TAFA1: variants seen among roughly 807,000 people sequenced by gnomAD.
The protein encoded by TAFA1 is TAFA chemokine like family member 1.
Under a neutral mutation model 18.5 loss-of-function variants are expected in TAFA1, and 4 were observed. The ratio of observed to expected loss-of-function variants is 0.22; its 90% CI spans 0.11 to 0.49. TAFA1 has a LOEUF of 0.49. TAFA1 is among the 20% of genes least tolerant of loss of function. TAFA1 has a pLI of 0.98. For missense variants in TAFA1, 147 were observed against 169.0 expected (o/e 0.87, Z 0.72); for synonymous variants, 56 against 55.2 (o/e 1.01, Z -0.06).
chr3:68,331,060 G>A lies in TAFA1; in HGVS notation c.119-86220G>A, dbSNP rs202142345. On this transcript the variant is annotated intron_variant, in intron 2 of 4. Coordinates refer to ENST00000478136, the MANE Select transcript of TAFA1 (RefSeq NM_213609.4). ...CAACAAATGTCCATCAGCTGATGAA[G>A]TATAACCAAAATGTGGTATATCCAT... Among the ~76,000 whole-genome samples the A allele has an allele frequency of 2.8e-3, 431 of 151,368 alleles. 7 individuals carry two copies. The East Asian group carries it at 0.036, about 12-fold the overall frequency.
chr3:68,176,482 G>A (rs1487734223), intron 2 of TAFA1, among the ~76,000 whole-genome samples: 1 of 152,116 alleles, frequency 6.6e-6, no homozygotes, highest in Non-Finnish European at 1.5e-5. Context: ...ACTCCACCAA[G>A]TAAATAATAA....
At chr3:68,095,370 T>C (rs1046946065) in intron 2 of TAFA1, among the ~76,000 whole-genome samples, 1 of 152,206 alleles carries the variant, frequency 6.6e-6, no homozygotes, top group Non-Finnish European at 1.5e-5. Flanking sequence ...TGCAAAGAGA[T>C]ACCCTTGCTT....
chr3:68,167,316 G>A (rs888001202), intron 2 of TAFA1, among the ~76,000 whole-genome samples: 1 of 152,176 alleles, frequency 6.6e-6, no homozygotes, highest in Non-Finnish European at 1.5e-5. Flanking sequence ...CGTGGCTCAC[G>A]CCTGTAATCC....
At chr3:68,154,567 G>A (rs1180068514) in intron 2 of TAFA1, among the ~76,000 whole-genome samples, 1 of 152,162 alleles carries the variant, frequency 6.6e-6, no homozygotes, top group Non-Finnish European at 1.5e-5. Context: ...TTTCCTTGAG[G>A]CTTATGTGTC....
At chr3:68,308,541 C>T (rs2068459724) in intron 2 of TAFA1, among the ~76,000 whole-genome samples, 1 of 152,038 alleles carries the variant, frequency 6.6e-6, no homozygotes, top group Non-Finnish European at 1.5e-5. Context: ...ACCAATTGCA[C>T]CACTGGAGCC....
chr3:68,135,666 A>G (rs911644395), intron 2 of TAFA1, among the ~76,000 whole-genome samples: 6 of 152,200 alleles, frequency 3.9e-5, no homozygotes, highest in African/African-American at 1.4e-4. Flanking sequence ...TATCAGCGGT[A>G]TTTTTTGTAT....
At chr3:68,000,359 T>G (rs1259953667), upstream of TAFA1, among the ~76,000 whole-genome samples, 1 of 152,182 alleles carries the variant, frequency 6.6e-6, no homozygotes, top group Non-Finnish European at 1.5e-5. Flanking sequence ...TTTAAGATTC[T>G]AGAGGTGCTG....
Position 68,108,476 on chromosome 3 carries a change from G to A in TAFA1, c.118+101732G>A, listed in dbSNP as rs867905335. ...TGTGTGTGTGTGCATGTGTGTGTGT[G>A]TATAAAGTAGTGAATTAAGCATTAT... On this transcript the variant is annotated intron_variant, in intron 2 of 4. Coordinates refer to ENST00000478136, the MANE Select transcript of TAFA1 (RefSeq NM_213609.4). Among the ~76,000 whole-genome samples, 11 of 135,548 alleles carry A rather than the reference G, an allele frequency of 8.1e-5. No individual in the cohort carries two copies. In the East Asian group the frequency reaches 2.4e-3, roughly 29 times the overall value. 88.9% of individuals were successfully genotyped at this position (135,548 alleles called of 152,430 possible). A position where few individuals can be genotyped will look rare whatever the true frequency, so the allele number is the denominator to read the frequency against.
chr3:68,323,917 T>A (rs980290189), intron 2 of TAFA1, among the ~76,000 whole-genome samples: 2 of 152,160 alleles, frequency 1.3e-5, no homozygotes, highest in African/African-American at 4.8e-5. Context: ...GTAAAGTGCC[T>A]GAGGAAATAC....
chr3:67,995,762 A>G, the TAFA1 span, among the ~76,000 whole-genome samples: 1 of 152,178 alleles, frequency 6.6e-6, no homozygotes, highest in African/African-American at 2.4e-5. Context: ...GGAGATGCAC[A>G]TTTAGGCACT....
chr3:68,278,408 T>G (rs1389313348), intron 2 of TAFA1, among the ~76,000 whole-genome samples: 1 of 152,194 alleles, frequency 6.6e-6, no homozygotes, highest in Non-Finnish European at 1.5e-5. Flanking sequence ...TTGTTTTAGC[T>G]GCACAGAATT....
intron 3 of TAFA1, among the ~76,000 whole-genome samples, chr3:68,469,460 G>A (rs1268053020): frequency 2.0e-5 from 3 of 152,164 alleles, no homozygotes; most frequent in Non-Finnish European, 2.9e-5. Flanking sequence ...GGATCACGAA[G>A]TCAGGAGATC....
intron 2 of TAFA1, among the ~76,000 whole-genome samples, chr3:68,283,267 C>A (rs771376442): frequency 1.3e-5 from 2 of 152,120 alleles, no homozygotes; most frequent in Admixed American, 6.5e-5. Flanking sequence ...GGCAAGAGCC[C>A]TGAATCTGCA....
intron 2 of TAFA1, among the ~76,000 whole-genome samples, chr3:68,189,933 T>G (rs2066317601): frequency 6.6e-6 from 1 of 151,878 alleles, no homozygotes; most frequent in Non-Finnish European, 1.5e-5. Context: ...TTAGTGAACT[T>G]TGAAGACCCA....
intron 2 of TAFA1, among the ~76,000 whole-genome samples, chr3:68,007,950 G>T (rs1704394683): frequency 6.6e-6 from 1 of 152,222 alleles, no homozygotes; most frequent in South Asian, 2.1e-4. Flanking sequence ...ATGCAGCCCA[G>T]GGTCCTCCCG....
intron 2 of TAFA1, among the ~76,000 whole-genome samples, chr3:68,174,519 G>A (rs1435487538): frequency 6.6e-6 from 1 of 152,188 alleles, no homozygotes; most frequent in Non-Finnish European, 1.5e-5. Flanking sequence ...CTGGAGCAAA[G>A]GTGACATTTG....
At chr3:68,050,025 T>C (rs532179339) in intron 2 of TAFA1, among the ~76,000 whole-genome samples, 1 of 152,236 alleles carries the variant, frequency 6.6e-6, no homozygotes, top group South Asian at 2.1e-4. Flanking sequence ...ATTACTAGTT[T>C]TGTGACTTTG....
At chr3:68,275,637 A>G (rs2067781685) in intron 2 of TAFA1, among the ~76,000 whole-genome samples, 1 of 152,072 alleles carries the variant, frequency 6.6e-6, no homozygotes, top group African/African-American at 2.4e-5. Flanking sequence ...GATAATGATG[A>G]GGAATGTCCT....
chr3:68,411,613 T>C (rs569714429), intron 2 of TAFA1, among the ~76,000 whole-genome samples: 1 of 152,204 alleles, frequency 6.6e-6, no homozygotes, highest in Non-Finnish European at 1.5e-5. Context: ...TGATTTCACT[T>C]TTTCCTTAGC....
Sources: gnomAD v4.1 joint callset for allele counts (sites outside exome capture counted in the v4.1 genomes callset) on GRCh38, gnomAD v4.1.1 for gene constraint, MANE v1.5 for transcripts, NCBI Gene and HGNC (gene_info 2026-07-23, HGNC 2026-07-21) for gene names.